Variants in NEMP2 observed in about 807,000 individuals in gnomAD.
NEMP2 encodes UPF0571 transmembrane protein.
A neutral mutation model predicts 54.2 loss-of-function variants in NEMP2; 53 were observed. That is an observed-to-expected ratio of 0.98 (90% CI 0.78 to 1.23). The LOEUF is 1.23. NEMP2 is among the 50% of genes most tolerant of loss of function. The probability of loss-of-function intolerance (pLI) is 0.00; values close to 1 mark genes in which losing one functional copy is unlikely to be tolerated. For synonymous variants in NEMP2, 197 were observed against 190.3 expected (o/e 1.04, Z -0.29); for missense variants, 455 against 511.3 (o/e 0.89, Z 1.06).
chr2:190,566,915 C>T, the NEMP2 span, among the ~76,000 whole-genome samples: 3 of 151,974 alleles, frequency 2.0e-5, no homozygotes, highest in East Asian at 1.9e-4. Flanking sequence ...CAGAGCTCTT[C>T]GTCAGCTTTT....
chr2:190,602,362 C>T, the NEMP2 span, among the ~76,000 whole-genome samples: 5 of 152,198 alleles, frequency 3.3e-5, no homozygotes, highest in African/African-American at 1.2e-4. Context: ...GAGGAGAATT[C>T]CTTCTTCTTT....
the NEMP2 span, among the ~76,000 whole-genome samples, chr2:190,583,433 G>A: frequency 1.8e-4 from 27 of 152,106 alleles, no homozygotes; most frequent in Admixed American, 1.6e-3. Context: ...GATTTTAAAC[G>A]CCTGTTTTGT....
At chr2:190,492,887 T>A in the NEMP2 span, among the ~76,000 whole-genome samples, 1 of 151,736 alleles carries the variant, frequency 6.6e-6, no homozygotes, top group Non-Finnish European at 1.5e-5. The surrounding 1 kb of genome is among the most constrained non-coding windows in gnomAD (Gnocchi z 5.2). Context: ...CTCTAAATCT[T>A]GAAACAAATC....
the NEMP2 span, among the ~76,000 whole-genome samples, chr2:190,557,124 A>G: frequency 2.6e-5 from 4 of 152,252 alleles, no homozygotes; most frequent in African/African-American, 9.6e-5. Flanking sequence ...GTACCAAAAC[A>G]GATATGTAGA....
chr2:190,476,594 A>G, the NEMP2 span, among the ~76,000 whole-genome samples: 1 of 152,208 alleles, frequency 6.6e-6, no homozygotes, highest in Non-Finnish European at 1.5e-5. Flanking sequence ...GAACACTTTT[A>G]CACTGTTGGT....
chr2:190,602,605 G>T, the NEMP2 span, among the ~76,000 whole-genome samples: 2 of 152,178 alleles, frequency 1.3e-5, no homozygotes, highest in African/African-American at 4.8e-5. Context: ...GTGCCCTTCA[G>T]TCACCAGGAA....
the NEMP2 span, among the ~76,000 whole-genome samples, chr2:190,445,499 A>T: frequency 5.4e-5 from 8 of 148,166 alleles, no homozygotes; most frequent in Non-Finnish European, 8.9e-5. Flanking sequence ...AAGAACACGA[A>T]TTTTTTTTTT....
At chr2:190,463,403 T>C in the NEMP2 span, among the ~76,000 whole-genome samples, 1 of 152,240 alleles carries the variant, frequency 6.6e-6, no homozygotes, top group Admixed American at 6.5e-5. The surrounding 1 kb of genome is among the most constrained non-coding windows in gnomAD (Gnocchi z 4.4). Context: ...GTGCTTGTGC[T>C]GAGCACAGGA....
At chr2:190,449,210 A>G in the NEMP2 span, among the ~76,000 whole-genome samples, 1 of 152,232 alleles carries the variant, frequency 6.6e-6, no homozygotes, top group Non-Finnish European at 1.5e-5. Flanking sequence ...GCAGTGGCTC[A>G]TGCCTGTAAT....
chr2:190,622,716 T>C, the NEMP2 span, among the ~76,000 whole-genome samples: 6 of 152,024 alleles, frequency 3.9e-5, no homozygotes, highest in Non-Finnish European at 5.9e-5. Context: ...CGGACCCTTA[T>C]CTAATAAGGA....
At chr2:190,625,736 TTTTC>T in the NEMP2 span, 1 of 152,190 alleles carries the variant, frequency 6.6e-6, no homozygotes, top group Admixed American at 6.5e-5. Flanking sequence ...GTTGTGCTTT[TTTTC>T]TTTCTTTTTA....
the NEMP2 span, chr2:190,489,966 G>T: frequency 3.1e-6 from 3 of 964,294 alleles, no homozygotes; most frequent in South Asian, 1.9e-5. This position sits in a 1 kb window ranked among gnomAD's most constrained non-coding sequence, Gnocchi z 6.6. Context: ...GTATACAACA[G>T]GTCTGTTTGG....
chr2:190,630,706 T>A, the NEMP2 span, among the ~76,000 whole-genome samples: 2 of 152,318 alleles, frequency 1.3e-5, no homozygotes, highest in South Asian at 2.1e-4. This position sits in a 1 kb window ranked among gnomAD's most constrained non-coding sequence, Gnocchi z 5.5. Context: ...ATGGCTATTA[T>A]CACTTATAAA....
chr2:190,626,200 C>G, the NEMP2 span: 1 of 152,142 alleles, frequency 6.6e-6, no homozygotes, highest in East Asian at 1.9e-4. This position sits in a 1 kb window ranked among gnomAD's most constrained non-coding sequence, Gnocchi z 4.5. Context: ...ATCACCTCCC[C>G]AAAGCCACAC....
chr2:190,572,543 T>G, the NEMP2 span, among the ~76,000 whole-genome samples: 1 of 152,192 alleles, frequency 6.6e-6, no homozygotes, highest in South Asian at 2.1e-4. Flanking sequence ...ACTCTATTAC[T>G]AAGAGGAGGA....
chr2:190,465,079 T>G, the NEMP2 span: 1 of 238,236 alleles, frequency 4.2e-6, no homozygotes, highest in Non-Finnish European at 6.8e-6. The surrounding 1 kb of genome is among the most constrained non-coding windows in gnomAD (Gnocchi z 4.6). Flanking sequence ...TAACCACAAA[T>G]CAGCTTAAAC....
chr2:190,461,891 A>C, the NEMP2 span, among the ~76,000 whole-genome samples: 22 of 152,218 alleles, frequency 1.4e-4, no homozygotes, highest in South Asian at 4.6e-3. The surrounding 1 kb of genome is among the most constrained non-coding windows in gnomAD (Gnocchi z 5.5). Flanking sequence ...CTTTCAGAAC[A>C]ATCTGAGAGC....
Position 190,529,034 on chromosome 2 carries a change from A to G in NEMP2, c.98-3656T>C, listed in dbSNP as rs1218603680. Among the ~76,000 whole-genome samples, 2 of 152,126 alleles carry G rather than the reference A, an allele frequency of 1.3e-5. No individual in the cohort carries two copies. Among genetic ancestry groups the G allele is most frequent in the African/African-American group, 4.8e-5 (2 of 41,422 alleles). On this transcript the variant is annotated intron_variant, in intron 1 of 8. Coordinates refer to ENST00000409150, the MANE Select transcript of NEMP2 (RefSeq NM_001142645.2). The surrounding 1 kb of genome is among the most constrained non-coding windows in gnomAD (Gnocchi z 4.7). Reference sequence around the variant, plus strand: ...CTACAACACACTTTTCAATTAGCAAATAGATCTTTTTAAAAACATGAATTG... The same window carrying G: ...CTACAACACACTTTTCAATTAGCAAGTAGATCTTTTTAAAAACATGAATTG...
chr2:190,488,219 C>T, the NEMP2 span, among the ~76,000 whole-genome samples: 2 of 152,098 alleles, frequency 1.3e-5, no homozygotes, highest in African/African-American at 4.8e-5. The surrounding 1 kb of genome is among the most constrained non-coding windows in gnomAD (Gnocchi z 6.4). Flanking sequence ...GAATTTAAAT[C>T]AAAGACTCAG....
Sources: gnomAD v4.1 joint callset for allele counts (sites outside exome capture counted in the v4.1 genomes callset) on GRCh38, gnomAD v4.1.1 for gene constraint, Gnocchi (gnomAD v3.1) non-coding constraint, MANE v1.5 for transcripts, NCBI Gene and HGNC (gene_info 2026-07-23, HGNC 2026-07-21) for gene names.